Variants in C1orf94 observed in about 807,000 individuals in gnomAD.
C1orf94 encodes the protein chromosome 1 open reading frame 94.
In C1orf94, 45 loss-of-function variants were observed where a neutral mutation model predicts 53.6. The observed-to-expected ratio is 0.84, with a 90% CI of 0.66 to 1.08. The LOEUF is 1.08. C1orf94 is among the 50% of genes least tolerant of loss of function. The probability of loss-of-function intolerance (pLI) is 0.00; values close to 1 mark genes in which losing one functional copy is unlikely to be tolerated. For missense variants in C1orf94, 762 were observed against 738.9 expected, an observed-to-expected ratio of 1.03 and a Z score of -0.36; for synonymous variants, 304 against 296.1, an observed-to-expected ratio of 1.03 and a Z score of -0.27.
rs538794094 is a variant in C1orf94 at position 34,206,621 on chromosome 1, G to A, written c.1447-1536G>A. Among the ~76,000 whole-genome samples the A allele has an allele frequency of 3.3e-5, 5 of 152,352 alleles. No homozygotes were observed. The South Asian group carries it at 8.3e-4, about 25-fold the overall frequency. ...GAAAGCAGAGATGAGTGCTAACAGG[G>A]ATCAGAGGAGGCGGCGAAACAGAGG... On this transcript the variant is annotated intron_variant, in intron 4 of 6. Transcript: ENST00000488417.
chr1:34,213,627 G>A (rs1453493933), intron 6 of C1orf94, among the ~76,000 whole-genome samples: 1 of 151,586 alleles, frequency 6.6e-6, no homozygotes, highest in African/African-American at 2.4e-5. Context: ...TGCAATCTCC[G>A]CCTCCCAGGT....
chr1:34,199,239 G>A (rs1642653394), intron 2 of C1orf94, among the ~76,000 whole-genome samples: 1 of 152,192 alleles, frequency 6.6e-6, no homozygotes, highest in African/African-American at 2.4e-5. Flanking sequence ...GACCTGGGAC[G>A]AGGGAGCTTC....
In C1orf94 at chr1:34,200,791, G is replaced by A. The variant is rs888999871; in HGVS notation, c.1029G>A (p.Lys343=). ...HHLMEWSPGT[K]EPKKGQGSLF... is the part of the protein sequence containing the mutation. ...CTACAGAATGGAGCCCTGGCACCAA[G>A]GAGCCAAAAAAGGGTCAAGGGAGCC... The change falls in exon 3 of 7, where the codon AAG becomes AAA. Residue 343 remains lysine, a synonymous_variant. Coordinates refer to ENST00000488417, the MANE Select transcript of C1orf94 (RefSeq NM_001134734.2). The A allele has an allele frequency of 6.2e-7, 1 of 1,614,080 alleles. No individual in the cohort carries two copies. Among genetic ancestry groups the A allele is most frequent in the African/African-American group, 1.3e-5 (1 of 75,032 alleles).
upstream of C1orf94, among the ~76,000 whole-genome samples, chr1:34,176,098 C>G (rs1642220093): frequency 1.3e-5 from 2 of 151,952 alleles, no homozygotes; most frequent in Non-Finnish European, 2.9e-5. Flanking sequence ...TCTTCAGTGC[C>G]CAGCAACTCA....
At chr1:34,214,654 G>T (rs2148623945) in intron 6 of C1orf94, among the ~76,000 whole-genome samples, 1 of 152,286 alleles carries the variant, frequency 6.6e-6, no homozygotes, top group South Asian at 2.1e-4. Context: ...TGTCTCCTCA[G>T]TCAGCTTTCG....
chr1:34,186,505 A>G (rs1439825598), intron 1 of C1orf94, among the ~76,000 whole-genome samples: 2 of 152,232 alleles, frequency 1.3e-5, no homozygotes, highest in African/African-American at 2.4e-5. Flanking sequence ...AACTGATAAC[A>G]GCATCTGGTT....
chr1:34,213,490 T>C (rs1399626632), intron 6 of C1orf94, among the ~76,000 whole-genome samples: 1 of 152,182 alleles, frequency 6.6e-6, no homozygotes, highest in Non-Finnish European at 1.5e-5. Flanking sequence ...AAGAAGGTGG[T>C]CGATAGTATT....
chr1:34,200,778 G>C lies in C1orf94; in HGVS notation c.1016G>C (p.Ser339Thr). Residue 339 changes from serine to threonine, a missense_variant, in exon 3 of 7, where the codon AGC becomes ACC. Ser to Thr is a moderately conservative substitution (Grantham distance 58). Coordinates refer to ENST00000488417, the MANE Select transcript of C1orf94 (RefSeq NM_001134734.2). ...AGTTTCTTTCCTGCTACAGAATGGA[G>C]CCCTGGCACCAAGGAGCCAAAAAAG... ...AVERHHLMEW[S>T]PGTKEPKKGQ... The C allele has an allele frequency of 1.2e-6, 2 of 1,614,076 alleles. No individual in the cohort carries two copies. Among genetic ancestry groups the C allele is most frequent in the Non-Finnish European group, 1.7e-6 (2 of 1,179,982 alleles).
Position 34,212,353 on chromosome 1 carries a change from C to A in C1orf94, c.1668C>A (p.Asp556Glu), listed in dbSNP as rs1374716403. Residue 556 changes from aspartate (D) to glutamate (E), a missense_variant, in exon 6 of 7, where the codon GAC becomes GAA. Coordinates refer to ENST00000488417, the MANE Select transcript of C1orf94 (RefSeq NM_001134734.2). The part of the protein sequence containing the change: ...TPPKMSANPR[D>E]PPLMAGDGPQ... ...CAAAGATGTCTGCCAACCCCCGAGA[C>A]CCTCCCCTAATGGCAGGAGATGGAC... 2.5e-6 allele frequency: 4 copies of A among 1,613,850 alleles called. No individual in the cohort carries two copies. The highest frequency in any genetic ancestry group is 3.4e-6 in the Non-Finnish European group (4 of 1,179,874).
chr1:34,199,814 A>G (rs890495481), intron 2 of C1orf94, among the ~76,000 whole-genome samples: 3 of 151,734 alleles, frequency 2.0e-5, no homozygotes, highest in Non-Finnish European at 4.4e-5. Flanking sequence ...CCAGTGACTC[A>G]CAATGTCTCC....
intron 1 of C1orf94, among the ~76,000 whole-genome samples, chr1:34,188,033 A>G (rs904056227): frequency 6.6e-6 from 1 of 152,096 alleles, no homozygotes; most frequent in African/African-American, 2.4e-5. Context: ...GGGATGCGAG[A>G]TTCTGGGGAA....
chr1:34,171,831 T>G (rs1045066414), intron 1 of C1orf94, among the ~76,000 whole-genome samples: 1 of 152,358 alleles, frequency 6.6e-6, no homozygotes, highest in East Asian at 1.9e-4. Context: ...CGTGTTTCCA[T>G]TTTTGCTTTA....
chr1:34,190,922 G>GGTT (rs1474973060), intron 1 of C1orf94, among the ~76,000 whole-genome samples: 1 of 152,178 alleles, frequency 6.6e-6, no homozygotes, highest in African/African-American at 2.4e-5. Flanking sequence ...ATTTGGGTTG[G>GGTT]GTTCAGCTGG....
chr1:34,212,266 C>G lies in C1orf94; in HGVS notation c.1581C>G (p.Thr527=), dbSNP rs1310967494. 6 of 1,613,790 alleles carry G rather than the reference C, an allele frequency of 3.7e-6. No individual in the cohort carries two copies. The African/African-American group carries it at 8.0e-5, about 22-fold the overall frequency. ...MGQQIFRSSY[T]PLLSYIPFVQ... The stretch of plus-strand genomic sequence containing the variant: ...AGCAGATCTTCCGCTCTTCCTACAC[C>G]CCTCTGCTGAGCTACATCCCTTTTG... Residue 527 remains threonine, a synonymous_variant, in exon 6 of 7, where the codon ACC becomes ACG. Transcript: ENST00000488417.
At chr1:34,168,201 C>T (rs1642079697) in intron 1 of C1orf94, among the ~76,000 whole-genome samples, 1 of 152,022 alleles carries the variant, frequency 6.6e-6, no homozygotes, top group Non-Finnish European at 1.5e-5. Flanking sequence ...TCATTTGAGC[C>T]CAGCTGTTCA....
At chr1:34,218,551 C>A (rs1643027131) in intron 6 of C1orf94, 135 bp from the exon 7 acceptor site, 1 of 548,154 alleles carries the variant, frequency 1.8e-6, no homozygotes, top group Non-Finnish European at 3.0e-6. Context: ...CTTTCTTATG[C>A]CAAAGCCTTT....
intron 1 of C1orf94, among the ~76,000 whole-genome samples, chr1:34,184,087 T>C (rs1642350263): frequency 6.6e-6 from 1 of 152,150 alleles, no homozygotes; most frequent in African/African-American, 2.4e-5. Context: ...CTGGGCTTGG[T>C]ACTTAGGGAA....
At chr1:34,209,185 C>T (rs1027159599) in intron 5 of C1orf94, among the ~76,000 whole-genome samples, 2 of 152,006 alleles carry the variant, frequency 1.3e-5, no homozygotes, top group Admixed American at 6.5e-5. Context: ...GAGGTTTGAC[C>T]TTTGGCAGGC....
chr1:34,197,659 A>G lies in C1orf94; in HGVS notation c.755A>G (p.Lys252Arg), dbSNP rs903374621. 1.9e-6 allele frequency: 3 copies of G among 1,614,016 alleles called. No individual in the cohort carries two copies. The African/African-American group carries it at 4.0e-5, about 22-fold the overall frequency. Residue 252 changes from lysine (K) to arginine (R), a missense_variant, in exon 2 of 7, where the codon AAG becomes AGG. Coordinates refer to ENST00000488417, the MANE Select transcript of C1orf94 (RefSeq NM_001134734.2). The surrounding 1 kb of genome is among the most constrained non-coding windows in gnomAD (Gnocchi z 4.1). ...CCACTGAAGTCCACTGAGACATCCA[A>G]GGTCCCTGACAACAAGAATGTGCTG... ...QFPLKSTETS[K>R]VPDNKNVLDK...
Sources: allele counts gnomAD v4.1 joint callset (sites outside exome capture counted in the v4.1 genomes callset), GRCh38; gene constraint gnomAD v4.1.1; non-coding constraint Gnocchi (gnomAD v3.1); transcripts MANE v1.5; gene names NCBI Gene and HGNC (gene_info 2026-07-23, HGNC 2026-07-21).